The following BANP variants were observed in gnomAD, a reference collection of about 807,000 sequenced individuals.
BANP encodes protein BANP.
In BANP, 11 loss-of-function variants were observed where a neutral mutation model predicts 68.1. The ratio of observed to expected loss-of-function variants is 0.16; its 90% confidence interval spans 0.10 to 0.27. The LOEUF (loss-of-function observed/expected upper bound fraction) is 0.27, where lower values mean the gene tolerates loss of function less well. BANP is among the 10% of genes least tolerant of loss of function. The pLI is 1.00. For missense variants in BANP, 504 were observed against 722.7 expected (o/e 0.70, Z 3.47); for synonymous variants, 329 against 303.2 (o/e 1.09, Z -0.88).
At chr16:88,009,637 G>A (rs965818796) in intron 6 of BANP, among the ~76,000 whole-genome samples, 4 of 152,144 alleles carry the variant, frequency 2.6e-5, no homozygotes, top group African/African-American at 9.7e-5. Flanking sequence ...TGTCTCATTG[G>A]AATAAGAAGG....
chr16:88,016,796 C>T (rs1045599287), intron 6 of BANP, among the ~76,000 whole-genome samples: 1 of 152,174 alleles, frequency 6.6e-6, no homozygotes, highest in African/African-American at 2.4e-5. Context: ...CACGTCTGAG[C>T]GTACGTTCCT....
At chr16:87,986,057 C>T (rs12934520) in intron 4 of BANP, among the ~76,000 whole-genome samples, 99,701 of 152,014 alleles carry the variant, frequency 0.66, 33,369 homozygotes, top group African/African-American at 0.76. Context: ...GTCTCACTCA[C>T]TGAAGGACGT....
At chr16:88,045,610 G>A (rs1229729940) in intron 11 of BANP, among the ~76,000 whole-genome samples, 5 of 152,264 alleles carry the variant, frequency 3.3e-5, no homozygotes, top group East Asian at 1.9e-4. Context: ...CTGCTATGCC[G>A]GGCATTCAGA....
At chr16:88,043,958 A>G (rs1349823364) in intron 11 of BANP, among the ~76,000 whole-genome samples, 2 of 152,210 alleles carry the variant, frequency 1.3e-5, no homozygotes, top group Non-Finnish European at 2.9e-5. Flanking sequence ...TTTTGAGTGC[A>G]TTTTAAATGA....
intron 2 of BANP, 124 bp downstream of exon 2, chr16:87,975,309 T>A: frequency 1.0e-6 from 1 of 976,944 alleles, no homozygotes; most frequent in Middle Eastern, 2.1e-4. Context: ...GTATGAAAAG[T>A]TTGAATCCTA....
intron 10 of BANP, 56 bp downstream of exon 10, chr16:88,035,450 C>A (rs866669380): frequency 1.4e-6 from 2 of 1,474,512 alleles, no homozygotes; most frequent in East Asian, 2.5e-5. Context: ...CACATGCTCC[C>A]GACCTTCATC....
At chr16:88,060,500 T>G (rs774372593) in intron 11 of BANP, among the ~76,000 whole-genome samples, 2 of 152,248 alleles carry the variant, frequency 1.3e-5, no homozygotes, top group African/African-American at 4.8e-5. Flanking sequence ...CACATGTTTT[T>G]AGAAGTTCGT....
At chr16:88,028,569 C>A (rs545169981) in intron 8 of BANP, among the ~76,000 whole-genome samples, 10 of 152,324 alleles carry the variant, frequency 6.6e-5, no homozygotes, top group Middle Eastern at 3.4e-3. Context: ...CCTAAAGCAG[C>A]GCTTTATTGA....
upstream of BANP, chr16:87,950,633 G>GCCAT (rs1243679863): frequency 1.3e-5 from 2 of 152,140 alleles, no homozygotes; most frequent in African/African-American, 4.8e-5. Context: ...ACAGGGTTTC[G>GCCAT]CCATGTTGGC....
intron 1 of BANP, among the ~76,000 whole-genome samples, chr16:87,958,933 C>T (rs541459559): frequency 4.5e-4 from 69 of 152,334 alleles, no homozygotes; most frequent in African/African-American, 1.6e-3. Flanking sequence ...CCTTTGCAGA[C>T]ATAGAGAATT....
At chr16:87,996,728 T>C (rs551318396) in intron 4 of BANP, among the ~76,000 whole-genome samples, 1 of 152,362 alleles carries the variant, frequency 6.6e-6, no homozygotes, top group East Asian at 1.9e-4. Flanking sequence ...TGCCCTCCCG[T>C]CCTTCCCTCC....
intron 3 of BANP, among the ~76,000 whole-genome samples, chr16:87,982,938 C>T (rs1379522870): frequency 6.6e-6 from 1 of 152,212 alleles, no homozygotes; most frequent in East Asian, 1.9e-4. Context: ...ATTGGGAAAG[C>T]CGTTCCGGCT....
chr16:87,997,346 G>T (rs1415414765), intron 4 of BANP, among the ~76,000 whole-genome samples: 1 of 152,268 alleles, frequency 6.6e-6, no homozygotes, highest in Non-Finnish European at 1.5e-5. Flanking sequence ...GTTGAAATAG[G>T]ATCATTGCTG....
chr16:88,056,389 A>G (rs1314560743), intron 11 of BANP, among the ~76,000 whole-genome samples: 6 of 152,114 alleles, frequency 3.9e-5, no homozygotes, highest in Non-Finnish European at 2.9e-5. Context: ...TGCAGCGTAG[A>G]AGAATCTTTA....
At chr16:88,013,448 C>T (rs1395880788) in intron 6 of BANP, among the ~76,000 whole-genome samples, 1 of 151,258 alleles carries the variant, frequency 6.6e-6, no homozygotes, top group Non-Finnish European at 1.5e-5. Context: ...CAGGACGGGC[C>T]CTCCCTCAGT....
chr16:87,962,119 A>G (rs2059268856), intron 1 of BANP, among the ~76,000 whole-genome samples: 1 of 151,914 alleles, frequency 6.6e-6, no homozygotes, highest in Non-Finnish European at 1.5e-5. Context: ...GTGCGCCTGT[A>G]ATCCCAGCTA....
intron 7 of BANP, among the ~76,000 whole-genome samples, chr16:88,025,690 T>C (rs146642100): frequency 2.6e-5 from 4 of 152,346 alleles, no homozygotes; most frequent in Non-Finnish European, 5.9e-5. Flanking sequence ...GAGGGACTTT[T>C]GATACCTAAT....
chr16:88,031,832 G>A (rs750968489), intron 8 of BANP, among the ~76,000 whole-genome samples: 43 of 38,928 alleles, frequency 1.1e-3, no homozygotes, highest in Admixed American at 2.6e-3. Context: ...CCCTTCCCCC[G>A]CTCGCTCTGT....
intron 13 of BANP, among the ~76,000 whole-genome samples, chr16:88,074,227 C>T (rs2091103244): frequency 6.6e-6 from 1 of 152,134 alleles, no homozygotes; most frequent in Non-Finnish European, 1.5e-5. Flanking sequence ...CCCAGTCATG[C>T]TTGGGAATGG....
Sources: gnomAD v4.1 joint callset for allele counts (sites outside exome capture counted in the v4.1 genomes callset) on GRCh38, gnomAD v4.1.1 for gene constraint, MANE v1.5 for transcripts, NCBI Gene and HGNC (gene_info 2026-07-23, HGNC 2026-07-21) for gene names.